ZC3H3: variants seen among roughly 807,000 people sequenced by gnomAD.
ZC3H3 encodes zinc finger CCCH-type containing 3, also known as zinc finger CCCH domain-containing protein 3.
ZC3H3 carries 36 observed loss-of-function variants against 77.3 expected under a neutral mutation model. That is an observed-to-expected ratio of 0.47 (90% confidence interval 0.36 to 0.61). ZC3H3 has a LOEUF of 0.61. ZC3H3 is among the 20% of genes least tolerant of loss of function. ZC3H3 has a pLI of 0.00. For missense variants in ZC3H3, 1,331 were observed against 1,312.2 expected, an observed-to-expected ratio of 1.01 and a Z score of -0.22; for synonymous variants, 626 against 555.2, an observed-to-expected ratio of 1.13 and a Z score of -1.79.
chr8:143,502,199 G>A (rs1056632182), intron 4 of ZC3H3, among the ~76,000 whole-genome samples: 8 of 152,372 alleles, frequency 5.3e-5, no homozygotes, highest in East Asian at 1.9e-4. Context: ...AGAAGTCAGC[G>A]TCTGATGCTG....
intron 5 of ZC3H3, among the ~76,000 whole-genome samples, chr8:143,471,576 T>C (rs1366089324): frequency 1.3e-5 from 2 of 152,220 alleles, no homozygotes; most frequent in Admixed American, 1.3e-4. Flanking sequence ...ATATGGGCCA[T>C]GCTCACTGGG....
chr8:143,452,280 G>A (rs2129819550), intron 9 of ZC3H3, among the ~76,000 whole-genome samples: 1 of 152,306 alleles, frequency 6.6e-6, no homozygotes, highest in Non-Finnish European at 1.5e-5. Flanking sequence ...AAGAGGCACT[G>A]TGGAACTCCT....
chr8:143,539,134 T>C lies in ZC3H3; in HGVS notation c.233A>G (p.Asn78Ser). ...AGGGTCTGAGGGTCCCGGGGGCCGA[T>C]TCACGAGGGAGTATTTCTTGCGCCA... is the stretch of plus-strand genomic sequence containing the variant. ...PSWRKKYSLV[N>S]RPPGPSDPPA... The change falls in exon 2 of 12, where the codon AAT becomes AGT. Residue 78 changes from asparagine (N) to serine (S), a missense_variant. By Grantham distance (46) the Asn-to-Ser change is conservative (BLOSUM62 1). This residue lies in a region of ZC3H3 where 978 missense variants were observed against 915.5 expected (regional missense o/e 1.07). Coordinates refer to ENST00000262577, the MANE Select transcript of ZC3H3 (RefSeq NM_015117.3). 1 of 1,612,920 alleles carries C rather than the reference T, an allele frequency of 6.2e-7. No homozygotes were observed.
chr8:143,517,299 G>C (rs940210152), intron 3 of ZC3H3, among the ~76,000 whole-genome samples: 1 of 152,212 alleles, frequency 6.6e-6, no homozygotes, highest in Non-Finnish European at 1.5e-5. Flanking sequence ...CAGGTGCAGG[G>C]GAAGGGAGGG....
At chr8:143,521,731 G>C (rs1822248686) in intron 3 of ZC3H3, among the ~76,000 whole-genome samples, 1 of 152,206 alleles carries the variant, frequency 6.6e-6, no homozygotes, top group South Asian at 2.1e-4. Context: ...CAGTGCACCT[G>C]CCTGGGGCTC....
At chr8:143,444,123 C>T (rs183435302) in intron 9 of ZC3H3, among the ~76,000 whole-genome samples, 24 of 152,104 alleles carry the variant, frequency 1.6e-4, no homozygotes, top group African/African-American at 3.6e-4. Context: ...TACAGGTGCC[C>T]GCCACCATGC....
Position 143,538,847 on chromosome 8 carries a change from A to AGG in ZC3H3, c.518_519dup (p.Ser174ProfsTer30). The stretch of plus-strand genomic sequence containing the variant: ...GTCCCCCTGGCTCTTGTTGGCCTCG[A>AGG]GGGCTGCAGCTGTCCCCGAGGGGGC... On this transcript the variant is annotated frameshift_variant, in exon 2 of 12. Transcript: ENST00000262577. LOFTEE classifies it high-confidence loss of function. 6.2e-7 allele frequency: 1 copy of AGG among 1,612,332 alleles called. No homozygotes were observed. Among genetic ancestry groups the AGG allele is most frequent in the Non-Finnish European group, 8.5e-7 (1 of 1,179,708 alleles).
At chr8:143,540,181 G>T (rs2130531322) in intron 1 of ZC3H3, among the ~76,000 whole-genome samples, 1 of 152,188 alleles carries the variant, frequency 6.6e-6, no homozygotes, top group African/African-American at 2.4e-5. Flanking sequence ...TTCCCTTTGT[G>T]AGAGTAAAAG....
chr8:143,507,723 G>A (rs1449165907), intron 4 of ZC3H3, 23 bp downstream of exon 4: 8 of 1,535,752 alleles, frequency 5.2e-6, no homozygotes, highest in East Asian at 2.3e-5. Flanking sequence ...AGGCCTGCAG[G>A]AGCCTGCAGG....
At chr8:143,438,294 C>G (rs1819636814) in intron 11 of ZC3H3, among the ~76,000 whole-genome samples, 1 of 152,174 alleles carries the variant, frequency 6.6e-6, no homozygotes, top group Non-Finnish European at 1.5e-5. Context: ...GCCAACAGGT[C>G]CTGGTGAGCC....
At chr8:143,455,633 A>G (rs534559488) in intron 9 of ZC3H3, among the ~76,000 whole-genome samples, 1 of 152,356 alleles carries the variant, frequency 6.6e-6, no homozygotes, top group African/African-American at 2.4e-5. Context: ...TCACACTGCA[A>G]ACTGCAAAAG....
rs750265093 is a variant in ZC3H3, at chr8:143,491,566, G to A, written c.1716-15981C>T. On this transcript the variant is annotated intron_variant, in intron 4 of 11. Transcript: ENST00000262577. ...AGACGCAGTGTGCCACACCCGGCTC[G>A]GGGCACATGCCCCATCACCAGCTCC... Among the ~76,000 whole-genome samples, 100 of 152,370 alleles carry A rather than the reference G, an allele frequency of 6.6e-4. 1 individual carries two copies. Among genetic ancestry groups the A allele is most frequent in the Non-Finnish European group, 1.2e-3 (84 of 68,030 alleles).
chr8:143,507,069 T>C (rs1192463740), intron 4 of ZC3H3, among the ~76,000 whole-genome samples: 1 of 152,162 alleles, frequency 6.6e-6, no homozygotes, highest in Non-Finnish European at 1.5e-5. Context: ...AACCTGGAGA[T>C]GGGGCACCAC....
intron 11 of ZC3H3, among the ~76,000 whole-genome samples, chr8:143,438,876 A>G (rs1321004740): frequency 6.6e-6 from 1 of 152,198 alleles, no homozygotes; most frequent in Admixed American, 6.5e-5. Context: ...GCTACAGACT[A>G]CACAGGCTCT....
At chr8:143,503,532 A>C (rs1586931972) in intron 4 of ZC3H3, among the ~76,000 whole-genome samples, 12 of 72,110 alleles carry the variant, frequency 1.7e-4, no homozygotes, top group Admixed American at 3.0e-4. Flanking sequence ...TCCCCCGACC[A>C]CCTCCTCCAG....
intron 3 of ZC3H3, among the ~76,000 whole-genome samples, chr8:143,521,265 G>A (rs926545003): frequency 6.6e-6 from 1 of 152,222 alleles, no homozygotes; most frequent in African/African-American, 2.4e-5. Flanking sequence ...CAGGGCTACC[G>A]AGCACACCAA....
At chr8:143,511,179 C>T (rs768727693) in intron 3 of ZC3H3, among the ~76,000 whole-genome samples, 1 of 152,198 alleles carries the variant, frequency 6.6e-6, no homozygotes, top group South Asian at 2.1e-4. Context: ...CTGCTGTGTA[C>T]CAAGCACCAC....
chr8:143,511,973 C>T (rs1365525877), intron 3 of ZC3H3, among the ~76,000 whole-genome samples: 1 of 152,258 alleles, frequency 6.6e-6, no homozygotes, highest in South Asian at 2.1e-4. Context: ...CCACAGCCAC[C>T]CCCACAGCAG....
intron 11 of ZC3H3, among the ~76,000 whole-genome samples, 186 bp downstream of exon 11, chr8:143,439,855 T>C (rs186181744): frequency 0.042 from 3,819 of 91,718 alleles, 330 homozygotes; most frequent in African/African-American, 0.15. Flanking sequence ...CCTGGGGGCC[T>C]GAGCCAGGCC....
Sources: allele counts gnomAD v4.1 joint callset (sites outside exome capture counted in the v4.1 genomes callset), GRCh38; gene constraint gnomAD v4.1.1; regional missense constraint gnomAD v4.1.1; transcripts MANE v1.5; gene names NCBI Gene and HGNC (gene_info 2026-07-23, HGNC 2026-07-21).